Variants in RBFOX1 observed in about 807,000 individuals in gnomAD.
RBFOX1 encodes RNA binding fox-1 homolog 1.
Under a neutral mutation model 57.7 loss-of-function variants are expected in RBFOX1, and 8 were observed. That is an observed-to-expected ratio of 0.14 (90% confidence interval 0.08 to 0.25). The LOEUF (loss-of-function observed/expected upper bound fraction) is 0.25. Among genes scored for constraint, RBFOX1 ranks in the 10% least tolerant of loss-of-function variants. The pLI is 1.00. For synonymous variants in RBFOX1, 326 were observed against 222.4 expected, an observed-to-expected ratio of 1.47 and a Z score of -4.15; for missense variants, 611 against 548.5, an observed-to-expected ratio of 1.11 and a Z score of -1.14.
chr16:6,396,057 CTCCT>C (rs2092817530), intron 2 of RBFOX1, among the ~76,000 whole-genome samples: 1 of 99,404 alleles, frequency 1.0e-5, no homozygotes, highest in Non-Finnish European at 1.9e-5. Flanking sequence ...CAGAGCAAGA[CTCCT>C]TCTCAAAAAA....
intron 1 of RBFOX1, among the ~76,000 whole-genome samples, chr16:6,229,653 T>C (rs1174626975): frequency 6.6e-6 from 1 of 151,528 alleles, no homozygotes; most frequent in Non-Finnish European, 1.5e-5. Flanking sequence ...ATAAATTTAA[T>C]GCAAAATAAA....
chr16:6,771,724 C>A (rs1007369832), intron 3 of RBFOX1, among the ~76,000 whole-genome samples: 14 of 152,164 alleles, frequency 9.2e-5, no homozygotes, highest in Non-Finnish European at 1.6e-4. Flanking sequence ...TGGCGTCTAG[C>A]GGGTGGAGGC....
intron 4 of RBFOX1, among the ~76,000 whole-genome samples, chr16:7,417,389 A>AAAAAAAC (rs2098490481): frequency 6.6e-6 from 1 of 151,158 alleles, no homozygotes. Context: ...AAAAAAAAAA[A>AAAAAAAC]AGAGATGACC....
At chr16:7,664,162 A>T (rs141139834) in intron 12 of RBFOX1, among the ~76,000 whole-genome samples, 1 of 152,380 alleles carries the variant, frequency 6.6e-6, no homozygotes, top group African/African-American at 2.4e-5. Flanking sequence ...ATAAGTATAC[A>T]CATGCATATA....
intron 2 of RBFOX1, among the ~76,000 whole-genome samples, chr16:6,426,128 TTCTC>T (rs1342027045): frequency 3.3e-5 from 5 of 151,508 alleles, no homozygotes; most frequent in African/African-American, 9.7e-5. Flanking sequence ...CTCTCTCTTA[TTCTC>T]TCTCTCTCTG....
At chr16:6,769,889 A>C (rs1411504373) in intron 3 of RBFOX1, among the ~76,000 whole-genome samples, 1 of 152,230 alleles carries the variant, frequency 6.6e-6, no homozygotes, top group Non-Finnish European at 1.5e-5. Flanking sequence ...TTGAAATCAA[A>C]GTTCAGATTT....
intron 1 of RBFOX1, among the ~76,000 whole-genome samples, chr16:6,166,741 C>T (rs2096920420): frequency 1.3e-5 from 2 of 152,046 alleles, no homozygotes. Flanking sequence ...TCTGAAGAGC[C>T]TCAGTCATGT....
intron 1 of RBFOX1, among the ~76,000 whole-genome samples, chr16:5,314,086 G>A (rs2064165216): frequency 6.6e-6 from 1 of 152,158 alleles, no homozygotes; most frequent in Non-Finnish European, 1.5e-5. Context: ...CACTTTCCAA[G>A]TTTTATCTCA....
chr16:7,208,517 T>TG (rs2090452877), intron 4 of RBFOX1, among the ~76,000 whole-genome samples: 1 of 151,842 alleles, frequency 6.6e-6, no homozygotes, highest in African/African-American at 2.4e-5. Flanking sequence ...CAAGAGATAG[T>TG]GGGGAGGAGC....
chr16:5,411,069 T>C (rs2067009324), intron 1 of RBFOX1, among the ~76,000 whole-genome samples: 1 of 152,200 alleles, frequency 6.6e-6, no homozygotes, highest in Admixed American at 6.5e-5. Context: ...GCTGAAACTT[T>C]TGGGGATATT....
At chr16:5,672,265 C>T (rs1325671291) in intron 3 of RBFOX1, among the ~76,000 whole-genome samples, 1 of 152,154 alleles carries the variant, frequency 6.6e-6, no homozygotes, top group Non-Finnish European at 1.5e-5. Context: ...ATGCCTACCT[C>T]TCTGATGAGT....
intron 3 of RBFOX1, among the ~76,000 whole-genome samples, chr16:5,780,518 G>C (rs13380586): frequency 5.8e-4 from 88 of 152,232 alleles, no homozygotes; most frequent in African/African-American, 2.0e-3. Flanking sequence ...GATATATACA[G>C]TGTGTATTTG....
chr16:7,638,482 G>A (rs1203188394), intron 11 of RBFOX1, among the ~76,000 whole-genome samples: 2 of 152,112 alleles, frequency 1.3e-5, no homozygotes. Context: ...GAGTGGTCAC[G>A]GGGAACCTCT....
At chr16:6,219,319 CA>C (rs1340041544) in intron 1 of RBFOX1, among the ~76,000 whole-genome samples, 5 of 151,936 alleles carry the variant, frequency 3.3e-5, no homozygotes, top group African/African-American at 9.7e-5. Context: ...AATACGCACA[CA>C]AAAAAGTAAT....
intron 1 of RBFOX1, among the ~76,000 whole-genome samples, chr16:6,168,957 T>C (rs1450041137): frequency 6.6e-6 from 1 of 152,060 alleles, no homozygotes; most frequent in Admixed American, 6.6e-5. Flanking sequence ...CAGAGAAGTT[T>C]TGGAATTGCC....
At chr16:6,168,766 T>G (rs28667662) in intron 1 of RBFOX1, among the ~76,000 whole-genome samples, 27,734 of 151,984 alleles carry the variant, frequency 0.18, 2,653 homozygotes, top group Middle Eastern at 0.21. Context: ...CTAAGAGTTC[T>G]ATCTCACTTT....
intron 1 of RBFOX1, among the ~76,000 whole-genome samples, chr16:5,308,663 C>T (rs997103624): frequency 2.6e-5 from 4 of 151,756 alleles, no homozygotes; most frequent in African/African-American, 9.7e-5. Flanking sequence ...TTTTCAGGGC[C>T]GATAGTAGTA....
intron 3 of RBFOX1, among the ~76,000 whole-genome samples, chr16:6,715,285 T>G (rs1263878328): frequency 6.6e-6 from 1 of 152,154 alleles, no homozygotes; most frequent in Non-Finnish European, 1.5e-5. Flanking sequence ...TTTTCTTTTT[T>G]TAACCCTGTT....
At position 7,190,181 on chromosome 16, in the gene RBFOX1, T is replaced by G. The variant is rs1038781201; in HGVS notation, c.27+138083T>G. On this transcript the variant is annotated intron_variant, in intron 4 of 15. Transcript: ENST00000550418. ...TTCGAGACCAGCCTTGCCAACATGG[T>G]GAAACCCCGTCTCTACTAAAAATAC... Among the ~76,000 whole-genome samples, 4 of 151,992 alleles carry G rather than the reference T, an allele frequency of 2.6e-5. No homozygotes were observed. The South Asian group carries it at 8.3e-4, about 32-fold the overall frequency.
Sources: allele counts gnomAD v4.1 joint callset (sites outside exome capture counted in the v4.1 genomes callset), GRCh38; gene constraint gnomAD v4.1.1; transcripts MANE v1.5; gene names NCBI Gene and HGNC (gene_info 2026-07-23, HGNC 2026-07-21).